The following VAMP4 variants were observed in gnomAD, a reference collection of about 807,000 sequenced individuals.
VAMP4 encodes vesicle-associated membrane protein 4.
In VAMP4, 19 loss-of-function variants were observed where a neutral mutation model predicts 23.5. The observed-to-expected ratio is 0.81, with a 90% CI of 0.56 to 1.19. The LOEUF (loss-of-function observed/expected upper bound fraction) is 1.19, where lower values mean the gene tolerates loss of function less well. Ranked by LOEUF, VAMP4 falls within the 50% of genes most tolerant of loss-of-function variation. VAMP4 has a pLI of 0.00. For synonymous variants in VAMP4, 31 were observed against 51.0 expected, an observed-to-expected ratio of 0.61 and a Z score of 1.67; for missense variants, 145 against 168.6, an observed-to-expected ratio of 0.86 and a Z score of 0.78.
chr1:171,704,995 C>T (rs1362370191), intron 7 of VAMP4, among the ~76,000 whole-genome samples: 1 of 151,668 alleles, frequency 6.6e-6, no homozygotes, highest in African/African-American at 2.4e-5. Context: ...TCACATTTTC[C>T]AATTGCTCAC....
At chr1:171,728,446 A>T (rs930330013) in intron 3 of VAMP4, 78 bp downstream of exon 3, 6 of 1,219,888 alleles carry the variant, frequency 4.9e-6, no homozygotes, top group Non-Finnish European at 6.7e-6. Flanking sequence ...ATCTGTCAAA[A>T]TGTATACAGT....
At chr1:171,711,943 GTGTTA>G (rs1253165738) in intron 4 of VAMP4, among the ~76,000 whole-genome samples, 2 of 152,144 alleles carry the variant, frequency 1.3e-5, no homozygotes, top group East Asian at 3.9e-4. Context: ...ATTTACCATT[GTGTTA>G]TAATTACCTA....
rs1331378233 is a variant in VAMP4 at position 171,700,410 on chromosome 1, C to T, written c.*4096G>A. ...GGAATTTAAAATAATGACATATACC[C>T]AAGACACAAAATAAAGGACTTGAAT... is the stretch of plus-strand genomic sequence containing the variant. On this transcript the variant is annotated 3_prime_UTR_variant, in exon 8 of 8. Coordinates refer to ENST00000236192, the MANE Select transcript of VAMP4 (RefSeq NM_003762.5). 6.6e-6 allele frequency: 1 copy of T among 152,114 alleles called. No individual in the cohort carries two copies. Among genetic ancestry groups the T allele is most frequent in the East Asian group, 1.9e-4 (1 of 5,194 alleles). 9.4% of individuals were successfully genotyped at this position (152,114 alleles called of 1,614,324 possible).
rs903309134 is a variant in VAMP4 at position 171,738,542 on chromosome 1, C to G, written c.-49-79G>C. ...GTACTTAAAACAGTGTACATGAAAC[C>G]CTGTATGACAGGGACTCCCTCATTT... On this transcript the variant is annotated intron_variant, in intron 1 of 7. Coordinates refer to ENST00000236192, the MANE Select transcript of VAMP4 (RefSeq NM_003762.5). The G allele has an allele frequency of 2.0e-5, 17 of 871,502 alleles. No individual in the cohort carries two copies. The African/African-American group carries it at 2.8e-4, about 14-fold the overall frequency. The allele number at this position is 871,502 out of a possible 1,614,324, so 54.0% of individuals were successfully genotyped here.
chr1:171,727,240 C>CAA (rs35549560), intron 3 of VAMP4, among the ~76,000 whole-genome samples: 4,841 of 84,576 alleles, frequency 0.057, 305 homozygotes, highest in East Asian at 0.21. Flanking sequence ...TACCTTGTCT[C>CAA]AAAAAAAAAA....
chr1:171,738,513 T>C (rs1472843664), intron 1 of VAMP4, 50 bp from the exon 2 acceptor site: 1 of 1,206,360 alleles, frequency 8.3e-7, no homozygotes, highest in African/African-American at 1.5e-5. Context: ...GGGCATAAGC[T>C]AATGTACTTA....
chr1:171,711,464 T>C (rs372673171), intron 4 of VAMP4, among the ~76,000 whole-genome samples: 3 of 152,160 alleles, frequency 2.0e-5, no homozygotes, highest in East Asian at 1.9e-4. Context: ...AGGAAAAAAT[T>C]GTTTTCTGTT....
rs777230369 is a variant in VAMP4, at chr1:171,719,179, T to G, written c.156A>C (p.Lys52Asn). 35 of 1,611,534 alleles carry G rather than the reference T, an allele frequency of 2.2e-5. No homozygotes were observed. Among genetic ancestry groups the G allele is most frequent in the Non-Finnish European group, 2.9e-5 (34 of 1,178,836 alleles). Residue 52 changes from lysine to asparagine, a missense_variant, in exon 4 of 8, where the codon AAA becomes AAC. By Grantham distance (94) the Lys-to-Asn change is moderately conservative. Coordinates refer to ENST00000236192, the MANE Select transcript of VAMP4 (RefSeq NM_003762.5). Reference protein sequence around the residue: ...SGPRFGPRNDKIKHVQNQVDE... With the variant: ...SGPRFGPRNDNIKHVQNQVDE... ...AAATGAACAAAACTTACTGCTTAAT[T>G]TTATCATTTCTAGGTCCAAATCTTG...
At chr1:171,727,725 G>A (rs1167468432) in intron 3 of VAMP4, among the ~76,000 whole-genome samples, 4 of 152,014 alleles carry the variant, frequency 2.6e-5, no homozygotes, top group Admixed American at 2.0e-4. Flanking sequence ...ATGCATAAAC[G>A]AACTGCAGCA....
intron 2 of VAMP4, among the ~76,000 whole-genome samples, chr1:171,731,624 G>A (rs976581331): frequency 1.3e-5 from 2 of 152,130 alleles, no homozygotes; most frequent in African/African-American, 4.8e-5. Context: ...CTAGATGGCT[G>A]GCACAGAAAA....
intron 7 of VAMP4, among the ~76,000 whole-genome samples, chr1:171,706,095 T>TG (rs1441013502): frequency 6.6e-6 from 1 of 151,980 alleles, no homozygotes; most frequent in Non-Finnish European, 1.5e-5. Context: ...GGGTGAGGGT[T>TG]GGGGGCAGAA....
rs1654519515 is a variant in VAMP4 at position 171,703,415 on chromosome 1, GTGTTTGTGTGTA to G, written c.*1079_*1090del. ...TGCGTGTGTGTGTGTGTGTGTGTGT[GTGTTTGTGTGTA>G]TATATATATATATATATATATATAT... On this transcript the variant is annotated 3_prime_UTR_variant, in exon 8 of 8. Transcript: ENST00000236192. The G allele has an allele frequency of 3.0e-5, 3 of 101,146 alleles. No individual in the cohort carries two copies. The highest frequency in any genetic ancestry group is 7.8e-5 in the African/African-American group (2 of 25,742). The allele number at this position is 101,146 out of a possible 1,614,324, so 6.3% of individuals were successfully genotyped here.
intron 3 of VAMP4, among the ~76,000 whole-genome samples, chr1:171,724,647 C>T (rs1005632972): frequency 2.6e-5 from 4 of 152,052 alleles, no homozygotes. Flanking sequence ...TAATTATCCC[C>T]AAATTCATCT....
At chr1:171,724,940 T>C (rs1014407096) in intron 3 of VAMP4, among the ~76,000 whole-genome samples, 5 of 152,184 alleles carry the variant, frequency 3.3e-5, no homozygotes, top group Non-Finnish European at 7.4e-5. Context: ...GGTAAATATA[T>C]ATAACATATA....
intron 4 of VAMP4, among the ~76,000 whole-genome samples, chr1:171,718,780 GTAATCA>G (rs1213153450): frequency 1.3e-5 from 2 of 151,992 alleles, no homozygotes; most frequent in African/African-American, 4.8e-5. Flanking sequence ...TTGACATAAG[GTAATCA>G]AGTCATAAAA....
intron 4 of VAMP4, among the ~76,000 whole-genome samples, 176 bp downstream of exon 4, chr1:171,718,995 A>G (rs1655103824): frequency 3.3e-5 from 5 of 152,194 alleles, no homozygotes; most frequent in Admixed American, 3.3e-4. Context: ...CAACTTTGCC[A>G]TTGTAGCTTG....
intron 7 of VAMP4, among the ~76,000 whole-genome samples, chr1:171,704,907 T>C (rs1175616648): frequency 6.6e-6 from 1 of 151,970 alleles, no homozygotes; most frequent in Non-Finnish European, 1.5e-5. Context: ...GAGAAGTATA[T>C]ATAATAGTTA....
At chr1:171,710,676 C>T (rs752312965) in intron 5 of VAMP4, 38 bp downstream of exon 5, 1 of 1,492,512 alleles carries the variant, frequency 6.7e-7, no homozygotes, top group Non-Finnish European at 9.1e-7. Flanking sequence ...AACTAGCAAA[C>T]AGATTAGTAA....
intron 3 of VAMP4, 96 bp downstream of exon 3, chr1:171,728,428 T>G: frequency 9.8e-7 from 1 of 1,015,580 alleles, no homozygotes; most frequent in Non-Finnish European, 1.4e-6. Flanking sequence ...TAAGGGAGAC[T>G]ACTGCATATC....
Sources: allele counts gnomAD v4.1 joint callset (sites outside exome capture counted in the v4.1 genomes callset), GRCh38; gene constraint gnomAD v4.1.1; transcripts MANE v1.5; gene names NCBI Gene and HGNC (gene_info 2026-07-23, HGNC 2026-07-21).